The following RAD54L2 variants were observed in gnomAD, a reference collection of about 807,000 sequenced individuals.
RAD54L2 encodes helicase ARIP4.
A neutral mutation model predicts 138.4 loss-of-function variants in RAD54L2; 27 were observed. That is an observed-to-expected ratio of 0.20 (90% CI 0.14 to 0.27). The LOEUF (loss-of-function observed/expected upper bound fraction) is 0.27, where lower values mean the gene tolerates loss of function less well. Ranked by LOEUF, RAD54L2 falls within the 10% of genes least tolerant of loss-of-function variation. The pLI, the probability that RAD54L2 is intolerant of heterozygous loss-of-function variation, is 1.00. For missense variants in RAD54L2, 1,396 were observed against 1,890.2 expected (o/e 0.74, Z 4.85); for synonymous variants, 644 against 723.2 (o/e 0.89, Z 1.76).
chr3:51,629,455 C>A lies in RAD54L2; in HGVS notation c.463C>A (p.Pro155Thr), dbSNP rs201104521. Reference sequence around the variant, plus strand: ...TTATGCAGCCCCTATTCCTACTGTTCCGCTGGAGTTCCTCCCTGGTAAGCA... The same window carrying A: ...TTATGCAGCCCCTATTCCTACTGTTACGCTGGAGTTCCTCCCTGGTAAGCA... ...KDYAAPIPTV[P>T]LEFLPEEIAL... The change falls in exon 5 of 23, where the codon CCG becomes ACG. Residue 155 changes from proline (P) to threonine (T), a missense_variant. Physicochemically the swap from Pro to Thr is conservative, Grantham distance 38. This residue lies in a region of RAD54L2 where 256 missense variants were observed against 344.6 expected (regional missense o/e 0.74). Coordinates refer to ENST00000684192, the MANE Select transcript of RAD54L2 (RefSeq NM_015106.4). 6.2e-7 allele frequency: 1 copy of A among 1,612,600 alleles called. No individual in the cohort carries two copies. The highest frequency in any genetic ancestry group is 2.2e-5 in the East Asian group (1 of 44,826).
At chr3:51,629,267 T>C (rs1304105957) in intron 4 of RAD54L2, 67 bp from the exon 5 acceptor site, 5 of 1,494,064 alleles carry the variant, frequency 3.3e-6, no homozygotes, top group Non-Finnish European at 3.6e-6. Flanking sequence ...ATTTCTCTCT[T>C]TAGCTTGCCA....
At chr3:51,543,518 G>A (rs1366882101) in intron 2 of RAD54L2, among the ~76,000 whole-genome samples, 7 of 149,906 alleles carry the variant, frequency 4.7e-5, no homozygotes, top group Non-Finnish European at 7.4e-5. Context: ...TGAGGTAGGA[G>A]AATTGCTTGA....
chr3:51,663,241 C>T lies in RAD54L2; in HGVS notation c.4225C>T (p.Leu1409Phe), dbSNP rs778783902. 1 of 1,614,004 alleles carries T rather than the reference C, an allele frequency of 6.2e-7. No homozygotes were observed. Among genetic ancestry groups the T allele is most frequent in the South Asian group, 1.1e-5 (1 of 91,086 alleles). Residue 1409 changes from leucine (L) to phenylalanine (F), a missense_variant, in exon 23 of 23, where the codon CTT (leucine) becomes TTT (phenylalanine). Leu to Phe is a conservative substitution (Grantham distance 22). Transcript: ENST00000684192. The part of the protein sequence containing the change: ...PFPSPVLPSN[L>F]SRGMSIYPGY... The stretch of plus-strand genomic sequence containing the variant: ...TCCTTCCCCTGTCTTGCCCAGCAAC[C>T]TTTCGCGGGGCATGTCTATCTATCC...
intron 3 of RAD54L2, among the ~76,000 whole-genome samples, chr3:51,593,990 G>A (rs1699897738): frequency 6.7e-6 from 1 of 148,602 alleles, no homozygotes; most frequent in Admixed American, 6.7e-5. Context: ...AATTTTCCCT[G>A]TAAGCTTTAG....
chr3:51,559,338 T>C (rs1216998180), intron 2 of RAD54L2, among the ~76,000 whole-genome samples: 1 of 152,248 alleles, frequency 6.6e-6, no homozygotes, highest in East Asian at 1.9e-4. Context: ...AACATTTGGC[T>C]TTTTGTGCTT....
chr3:51,657,680 G>T lies in RAD54L2; in HGVS notation c.3316+11G>T. 2 of 1,528,338 alleles carry T rather than the reference G, an allele frequency of 1.3e-6. No homozygotes were observed. The highest frequency in any genetic ancestry group is 2.4e-5 in the South Asian group (2 of 83,952). The allele number at this position is 1,528,338 out of a possible 1,614,324, so 94.7% of individuals were successfully genotyped here. Reference sequence around the variant, plus strand: ...TCCGTGGGACAAAAGGTAAGAGCCTGACCAAGGACCTGTTCCCTGCCTTTG... The same window carrying T: ...TCCGTGGGACAAAAGGTAAGAGCCTTACCAAGGACCTGTTCCCTGCCTTTG... On this transcript the variant is annotated intron_variant, in intron 21 of 22. Coordinates refer to ENST00000684192, the MANE Select transcript of RAD54L2 (RefSeq NM_015106.4).
intron 3 of RAD54L2, among the ~76,000 whole-genome samples, chr3:51,626,698 G>A (rs1700699384): frequency 6.6e-6 from 1 of 151,838 alleles, no homozygotes; most frequent in Admixed American, 6.6e-5. Flanking sequence ...TCCCGCCTCA[G>A]CCTATCAAAG....
intron 19 of RAD54L2, among the ~76,000 whole-genome samples, chr3:51,654,162 C>T (rs895360915): frequency 2.0e-5 from 3 of 152,024 alleles, no homozygotes; most frequent in Non-Finnish European, 2.9e-5. Flanking sequence ...GTTCTCCTCC[C>T]CTAGCTACCC....
intron 2 of RAD54L2, among the ~76,000 whole-genome samples, chr3:51,569,299 A>G (rs1017074124): frequency 6.6e-6 from 1 of 152,198 alleles, no homozygotes; most frequent in Admixed American, 6.5e-5. Flanking sequence ...ATAATTTAAA[A>G]TTCTAACAGC....
intron 3 of RAD54L2, among the ~76,000 whole-genome samples, chr3:51,619,013 C>T (rs1371093518): frequency 6.6e-6 from 1 of 152,078 alleles, no homozygotes; most frequent in African/African-American, 2.4e-5. Context: ...CTTCAGGAGG[C>T]CTCTTGTCTG....
chr3:51,625,420 A>T (rs968964909), intron 3 of RAD54L2, among the ~76,000 whole-genome samples: 7 of 152,190 alleles, frequency 4.6e-5, no homozygotes, highest in Admixed American at 6.5e-5. Flanking sequence ...CTCCATCTCA[A>T]CCAATCAATC....
Position 51,663,245 on chromosome 3 carries a change from C to T in RAD54L2, c.4229C>T (p.Ser1410Leu), listed in dbSNP as rs138986583. The T allele has an allele frequency of 2.0e-5, 32 of 1,613,844 alleles. No homozygotes were observed. The African/African-American group carries it at 2.5e-4, about 13-fold the overall frequency. ...FPSPVLPSNL[S>L]RGMSIYPGYM... ...TCCCCTGTCTTGCCCAGCAACCTTT[C>T]GCGGGGCATGTCTATCTATCCAGGC... is the stretch of plus-strand genomic sequence containing the variant. The change falls in exon 23 of 23, where the codon TCG becomes TTG. Residue 1410 changes from serine (S) to leucine (L), a missense_variant. By Grantham distance (145) the Ser-to-Leu change is moderately radical. This residue lies in a region of RAD54L2 where 634 missense variants were observed against 711.2 expected (regional missense o/e 0.89). Transcript: ENST00000684192.
At chr3:51,639,340 G>GTGTGTGTGTTTGAGCAA in intron 12 of RAD54L2, 79 bp from the exon 13 acceptor site, 1 of 1,514,700 alleles carries the variant, frequency 6.6e-7, no homozygotes, top group Non-Finnish European at 9.0e-7. Context: ...GTTTGAGCAA[G>GTGTGTGTGTTTGAGCAA]TATGTGTTTC....
chr3:51,667,924 C>G lies in RAD54L2; in HGVS notation c.*4504C>G, dbSNP rs1701944708. 6.6e-6 allele frequency: 1 copy of G among 152,188 alleles called. No individual in the cohort carries two copies. The highest frequency in any genetic ancestry group is 2.1e-4 in the South Asian group (1 of 4,826). The allele number at this position is 152,188 out of a possible 1,614,324, so 9.4% of individuals were successfully genotyped here. A position where few individuals can be genotyped will look rare whatever the true frequency, so the allele number is the denominator to read the frequency against. ...AGTGTGTTGGGGAGGGGTAGCCAAG[C>G]AGGCTGCAGTGTCTGCAATGCAGAG... On this transcript the variant is annotated 3_prime_UTR_variant, in exon 23 of 23. Coordinates refer to ENST00000684192, the MANE Select transcript of RAD54L2 (RefSeq NM_015106.4).
chr3:51,595,883 G>C (rs1202745172), intron 3 of RAD54L2, among the ~76,000 whole-genome samples: 1 of 151,060 alleles, frequency 6.6e-6, no homozygotes, highest in Admixed American at 6.6e-5. Flanking sequence ...TGATACCTCT[G>C]GGATTGGCTT....
chr3:51,647,893 G>T (rs1701326566), intron 19 of RAD54L2, among the ~76,000 whole-genome samples: 1 of 152,122 alleles, frequency 6.6e-6, no homozygotes, highest in South Asian at 2.1e-4. Flanking sequence ...CAGAAGACAG[G>T]TGATTTCTGC....
chr3:51,620,585 T>C (rs1700549218), intron 3 of RAD54L2, among the ~76,000 whole-genome samples: 2 of 151,902 alleles, frequency 1.3e-5, no homozygotes, highest in Non-Finnish European at 2.9e-5. Context: ...GTACCTTCAT[T>C]GAATGTAACG....
At chr3:51,629,282 A>C in intron 4 of RAD54L2, 52 bp from the exon 5 acceptor site, 1 of 1,538,892 alleles carries the variant, frequency 6.5e-7, no homozygotes, top group Non-Finnish European at 8.8e-7. Context: ...TTGCCATTAC[A>C]TTGCCCAAAT....
chr3:51,568,156 C>T (rs1190325132), intron 2 of RAD54L2, among the ~76,000 whole-genome samples: 1 of 151,934 alleles, frequency 6.6e-6, no homozygotes, highest in East Asian at 1.9e-4. Flanking sequence ...GTGGCAGCCT[C>T]CAGCCCTGGT....
Sources: allele counts gnomAD v4.1 joint callset (sites outside exome capture counted in the v4.1 genomes callset), GRCh38; gene constraint gnomAD v4.1.1; regional missense constraint gnomAD v4.1.1; transcripts MANE v1.5; gene names NCBI Gene and HGNC (gene_info 2026-07-23, HGNC 2026-07-21).